GMDS: variants seen among roughly 807,000 people sequenced by gnomAD.
The protein encoded by GMDS is GDP-mannose 4,6-dehydratase, also known as GDP-mannose 4,6 dehydratase.
GMDS carries 20 observed loss-of-function variants against 49.9 expected under a neutral mutation model. The observed-to-expected ratio is 0.40, with a 90% CI of 0.28 to 0.58. The LOEUF (loss-of-function observed/expected upper bound fraction) is 0.58. Among genes scored for constraint, GMDS ranks in the 20% least tolerant of loss-of-function variants. The probability of loss-of-function intolerance (pLI) is 0.42; values close to 1 mark genes in which losing one functional copy is unlikely to be tolerated. For synonymous variants in GMDS, 177 were observed against 178.6 expected (o/e 0.99, Z 0.07); for missense variants, 362 against 481.4 (o/e 0.75, Z 2.32).
At chr6:1,853,483 A>C (rs1581258744) in intron 7 of GMDS, among the ~76,000 whole-genome samples, 1 of 138,532 alleles carries the variant, frequency 7.2e-6, no homozygotes, top group Non-Finnish European at 1.5e-5. Context: ...GCGCCACTGC[A>C]CTCCAGCCTG....
intron 4 of GMDS, among the ~76,000 whole-genome samples, chr6:2,071,508 C>T (rs1184970127): frequency 6.6e-6 from 1 of 151,614 alleles, no homozygotes; most frequent in Non-Finnish European, 1.5e-5. Flanking sequence ...CACATGGCTA[C>T]CTCTTAATTA....
At chr6:1,923,594 G>C (rs1321906855) in intron 7 of GMDS, among the ~76,000 whole-genome samples, 1 of 152,104 alleles carries the variant, frequency 6.6e-6, no homozygotes, top group Non-Finnish European at 1.5e-5. Context: ...GCTTGTTCCT[G>C]CCAGCGCACA....
chr6:2,071,499 A>C (rs775749008), intron 4 of GMDS, among the ~76,000 whole-genome samples: 38 of 152,134 alleles, frequency 2.5e-4, no homozygotes, highest in Non-Finnish European at 4.3e-4. Flanking sequence ...TGTATATCCC[A>C]CATGGCTACC....
At chr6:1,658,229 G>A (rs182028645) in intron 9 of GMDS, among the ~76,000 whole-genome samples, 14 of 152,346 alleles carry the variant, frequency 9.2e-5, no homozygotes, top group East Asian at 7.7e-4. Context: ...TCTCTTCACC[G>A]GGATTGGGAT....
At chr6:1,962,635 T>C (rs955824193) in intron 4 of GMDS, among the ~76,000 whole-genome samples, 1 of 152,200 alleles carries the variant, frequency 6.6e-6, no homozygotes, top group African/African-American at 2.4e-5. Flanking sequence ...TCCTAATAAA[T>C]AATGTTCAGC....
At chr6:1,868,175 T>C (rs1248330155) in intron 7 of GMDS, among the ~76,000 whole-genome samples, 2 of 151,954 alleles carry the variant, frequency 1.3e-5, no homozygotes, top group East Asian at 3.9e-4. Context: ...TTAGTAGAGA[T>C]GGGGTTTTAC....
chr6:2,214,179 G>C (rs889666067), intron 1 of GMDS, among the ~76,000 whole-genome samples: 32 of 152,282 alleles, frequency 2.1e-4, no homozygotes, highest in African/African-American at 7.5e-4. Flanking sequence ...TTCATTCCAT[G>C]AATTCATAAT....
intron 4 of GMDS, among the ~76,000 whole-genome samples, chr6:2,109,481 T>A (rs906813071): frequency 6.6e-6 from 1 of 152,190 alleles, no homozygotes; most frequent in African/African-American, 2.4e-5. Flanking sequence ...CTAAGGCAGG[T>A]GCTTGCTGCA....
At position 1,914,131 on chromosome 6, in the gene GMDS, G is replaced by GTTT. The variant is rs563808537; in HGVS notation, c.771+15969_771+15971dup. Among the ~76,000 whole-genome samples the GTTT allele has an allele frequency of 5.4e-3, 424 of 77,830 alleles. 41 individuals are homozygous for GTTT. The highest frequency in any genetic ancestry group is 0.015 in the African/African-American group (334 of 21,714). The allele number at this position is 77,830 out of a possible 152,430, so 51.1% of individuals were successfully genotyped here. A position where few individuals can be genotyped will look rare whatever the true frequency, so the allele number is the denominator to read the frequency against. The stretch of plus-strand genomic sequence containing the variant: ...ATTATCATGAAAGCGTTTTTTGTTT[G>GTTT]TTTTTTTTTTTTTTTTTTTTTTTTT... On this transcript the variant is annotated intron_variant, in intron 7 of 10. Transcript: ENST00000380815.
At chr6:1,653,484 C>T (rs892618504) in intron 9 of GMDS, among the ~76,000 whole-genome samples, 2 of 152,142 alleles carry the variant, frequency 1.3e-5, no homozygotes, top group African/African-American at 4.8e-5. Flanking sequence ...TCTGAATAGC[C>T]AGAAGAATTT....
At chr6:2,112,090 T>C (rs1038447141) in intron 4 of GMDS, among the ~76,000 whole-genome samples, 2 of 152,178 alleles carry the variant, frequency 1.3e-5, no homozygotes, top group African/African-American at 4.8e-5. Context: ...GCATAAACAG[T>C]GGTATGGAAC....
intron 7 of GMDS, among the ~76,000 whole-genome samples, chr6:1,928,717 C>G (rs1420226027): frequency 6.6e-6 from 1 of 152,084 alleles, no homozygotes; most frequent in Non-Finnish European, 1.5e-5. Context: ...CCCTGTAATC[C>G]CAGCACTTTG....
chr6:1,776,338 C>A (rs989423311), intron 7 of GMDS, among the ~76,000 whole-genome samples: 4 of 152,090 alleles, frequency 2.6e-5, no homozygotes, highest in Admixed American at 2.6e-4. Context: ...GCCATTATTA[C>A]GAAGAATTAT....
At chr6:2,124,983 T>C (rs1775339612) in intron 1 of GMDS, among the ~76,000 whole-genome samples, 1 of 152,238 alleles carries the variant, frequency 6.6e-6, no homozygotes, top group Non-Finnish European at 1.5e-5. Context: ...AGGAAAGTGA[T>C]ATGCATCAAC....
chr6:2,151,337 ATTT>A (rs926758314), intron 1 of GMDS, among the ~76,000 whole-genome samples: 6 of 152,014 alleles, frequency 3.9e-5, no homozygotes. Context: ...ACTTAAAACA[ATTT>A]TTTTATTTTA....
At position 1,737,810 on chromosome 6, in the gene GMDS, C is replaced by A. The variant is rs542371840; in HGVS notation, c.890+4658G>T. Among the ~76,000 whole-genome samples, 4 of 125,666 alleles carry A rather than the reference C, an allele frequency of 3.2e-5. No homozygotes were observed. In the South Asian group the frequency reaches 1.2e-3, roughly 38 times the overall value. 82.4% of individuals were successfully genotyped at this position (125,666 alleles called of 152,430 possible). ...ATACACACATACATACACACACATA[C>A]ACACACACCACAAAGACACACCACA... On this transcript the variant is annotated intron_variant, in intron 8 of 10. Coordinates refer to ENST00000380815, the MANE Select transcript of GMDS (RefSeq NM_001500.4).
chr6:1,913,743 A>T (rs1458182529), intron 7 of GMDS, among the ~76,000 whole-genome samples: 1 of 152,244 alleles, frequency 6.6e-6, no homozygotes, highest in East Asian at 1.9e-4. Context: ...GCCCTGCTAG[A>T]ATACACATAT....
chr6:2,193,413 G>A (rs577115087), intron 1 of GMDS, among the ~76,000 whole-genome samples: 44 of 152,260 alleles, frequency 2.9e-4, no homozygotes, highest in African/African-American at 9.1e-4. Flanking sequence ...TGCCATCCAC[G>A]TGCCACAGTC....
At chr6:2,212,751 T>C (rs1217097778) in intron 1 of GMDS, among the ~76,000 whole-genome samples, 2 of 150,368 alleles carry the variant, frequency 1.3e-5, no homozygotes, top group Non-Finnish European at 3.0e-5. Context: ...ACATTGAGCT[T>C]ACTACTTGAA....
Sources: allele counts gnomAD v4.1 joint callset (sites outside exome capture counted in the v4.1 genomes callset), GRCh38; gene constraint gnomAD v4.1.1; transcripts MANE v1.5; gene names NCBI Gene and HGNC (gene_info 2026-07-23, HGNC 2026-07-21).